Variants in GATAD2A observed in about 807,000 individuals in gnomAD.
GATAD2A encodes transcriptional repressor p66-alpha.
A neutral mutation model predicts 68.5 loss-of-function variants in GATAD2A; 12 were observed. The ratio of observed to expected loss-of-function variants is 0.18; its 90% CI spans 0.11 to 0.28. The LOEUF (loss-of-function observed/expected upper bound fraction) is 0.28. Among genes scored for constraint, GATAD2A ranks in the 10% least tolerant of loss-of-function variants. The probability of loss-of-function intolerance (pLI) is 1.00; values close to 1 mark genes in which losing one functional copy is unlikely to be tolerated. For missense variants in GATAD2A, 755 were observed against 868.5 expected, an observed-to-expected ratio of 0.87 and a Z score of 1.64; for synonymous variants, 410 against 375.3, an observed-to-expected ratio of 1.09 and a Z score of -1.07.
At chr19:19,416,981 C>T (rs887802412) in intron 1 of GATAD2A, among the ~76,000 whole-genome samples, 3 of 152,046 alleles carry the variant, frequency 2.0e-5, no homozygotes, top group Non-Finnish European at 2.9e-5. Flanking sequence ...AGGCTGGTCT[C>T]GAACTTCTGA....
At chr19:19,502,242 C>A in intron 10 of GATAD2A, 89 bp from the exon 11 acceptor site, 1 of 1,120,036 alleles carries the variant, frequency 8.9e-7, no homozygotes, top group Non-Finnish European at 1.3e-6. Context: ...GGGAAGAGGT[C>A]AGCCAGAGCA....
chr19:19,463,432 G>A (rs1034613859), intron 1 of GATAD2A, among the ~76,000 whole-genome samples: 3 of 152,174 alleles, frequency 2.0e-5, no homozygotes, highest in Non-Finnish European at 4.4e-5. Context: ...CCCCAGAGAA[G>A]TGAGGCCATG....
intron 1 of GATAD2A, among the ~76,000 whole-genome samples, chr19:19,387,565 C>T (rs538887840): frequency 4.6e-5 from 7 of 152,180 alleles, no homozygotes; most frequent in South Asian, 2.1e-4. Flanking sequence ...GTGATCCACC[C>T]GCCTCGGCCT....
rs148092045 is a variant in GATAD2A at position 19,440,416 on chromosome 19, G to A, written c.-6-24924G>A. 1,314 of 209,624 alleles carry A rather than the reference G, an allele frequency of 6.3e-3. 22 individuals are homozygous for A. The highest frequency in any genetic ancestry group is 0.036 in the South Asian group (644 of 18,004). The allele number at this position is 209,624 out of a possible 1,614,324, so 13.0% of individuals were successfully genotyped here. A position where few individuals can be genotyped will look rare whatever the true frequency, so the allele number is the denominator to read the frequency against. Reference sequence around the variant, plus strand: ...CTCCCGAGTAGCTGGGACTACAGGCGCCCGCCACCACGCCCTGCTAATTTT... The same window carrying A: ...CTCCCGAGTAGCTGGGACTACAGGCACCCGCCACCACGCCCTGCTAATTTT... On this transcript the variant is annotated intron_variant, in intron 1 of 11. Transcript: ENST00000683918.
At chr19:19,484,957 A>T (rs779776170) in intron 2 of GATAD2A, among the ~76,000 whole-genome samples, 5 of 152,206 alleles carry the variant, frequency 3.3e-5, no homozygotes, top group Non-Finnish European at 7.3e-5. Flanking sequence ...GGTGCCTCCC[A>T]GCCTGCAGAC....
intron 1 of GATAD2A, among the ~76,000 whole-genome samples, chr19:19,440,879 A>G (rs1311748012): frequency 1.3e-5 from 2 of 152,164 alleles, no homozygotes; most frequent in African/African-American, 4.8e-5. Flanking sequence ...AAAGGTAAAC[A>G]AATTTATTTC....
At chr19:19,403,575 G>A (rs1035947795), upstream of GATAD2A, among the ~76,000 whole-genome samples, 3 of 151,946 alleles carry the variant, frequency 2.0e-5, no homozygotes, top group African/African-American at 7.3e-5. Flanking sequence ...AAAAAAAAGG[G>A]GTGGTTGTCA....
intron 1 of GATAD2A, among the ~76,000 whole-genome samples, chr19:19,417,632 G>A (rs1320955423): frequency 3.9e-5 from 6 of 152,160 alleles, no homozygotes; most frequent in Non-Finnish European, 8.8e-5. Flanking sequence ...CCTGAAACAG[G>A]AGACTGTTCA....
rs552936505 is a variant in GATAD2A, at chr19:19,505,710, C to T, written c.*236C>T. 1.6e-4 allele frequency: 75 copies of T among 473,426 alleles called. No individual in the cohort carries two copies. The highest frequency in any genetic ancestry group is 1.1e-3 in the African/African-American group (54 of 49,126). 29.3% of individuals were successfully genotyped at this position (473,426 alleles called of 1,614,324 possible). Reference sequence around the variant, plus strand: ...AGGATCATCGCTGGGGGACCTTTCCCGTGGGCTTTCTTCCTTTCTCTCTTT... The same window carrying T: ...AGGATCATCGCTGGGGGACCTTTCCTGTGGGCTTTCTTCCTTTCTCTCTTT... On this transcript the variant is annotated 3_prime_UTR_variant, in exon 12 of 12. Transcript: ENST00000683918.
chr19:19,476,935 G>A (rs1195853022), intron 2 of GATAD2A, among the ~76,000 whole-genome samples: 1 of 152,208 alleles, frequency 6.6e-6, no homozygotes, highest in African/African-American at 2.4e-5. Flanking sequence ...GTGAGCCTGA[G>A]GGGGCAGCTG....
intron 2 of GATAD2A, among the ~76,000 whole-genome samples, chr19:19,490,275 G>A (rs1026334419): frequency 1.3e-5 from 2 of 152,146 alleles, no homozygotes; most frequent in African/African-American, 2.4e-5. Flanking sequence ...CAAGTAAAGC[G>A]GTTCCTGAGT....
At chr19:19,413,627 G>T (rs564922875) in intron 1 of GATAD2A, among the ~76,000 whole-genome samples, 1 of 152,214 alleles carries the variant, frequency 6.6e-6, no homozygotes, top group African/African-American at 2.4e-5. Context: ...TGTCGCTCAG[G>T]CTGGAGTGCA....
At chr19:19,399,918 G>A (rs373362244) in intron 1 of GATAD2A, among the ~76,000 whole-genome samples, 11 of 152,146 alleles carry the variant, frequency 7.2e-5, no homozygotes, top group Middle Eastern at 6.8e-3. Context: ...TTATTAGACC[G>A]ATCATGTGAC....
At chr19:19,408,138 T>G (rs1392551476) in intron 1 of GATAD2A, among the ~76,000 whole-genome samples, 2 of 152,166 alleles carry the variant, frequency 1.3e-5, no homozygotes, top group Non-Finnish European at 2.9e-5. Flanking sequence ...TAGTTGGGAC[T>G]ACCATGCCCG....
At position 19,501,251 on chromosome 19, in the gene GATAD2A, C is replaced by T. The variant is rs1442594722; in HGVS notation, c.1338C>T (p.Asn446=). The T allele has an allele frequency of 8.7e-6, 14 of 1,613,286 alleles. No individual in the cohort carries two copies. The highest frequency in any genetic ancestry group is 1.1e-5 in the South Asian group (1 of 91,086). The change falls in exon 9 of 12, where the codon AAC becomes AAT. Residue 446 remains asparagine, a synonymous_variant. Coordinates refer to ENST00000683918, the MANE Select transcript of GATAD2A (RefSeq NM_001384528.1). ...TGTGTGAGAACTGCATGACAACCAA[C>T]CAGAAGAAGGCGCTCAAGGTGGAGC... ...AIMCENCMTT[N]QKKALKVEHT...
intron 1 of GATAD2A, chr19:19,436,071 A>G: frequency 4.7e-6 from 4 of 845,380 alleles, no homozygotes. Context: ...TAGAAATGCC[A>G]GTATGTTCCA....
chr19:19,498,410 G>A lies in GATAD2A; in HGVS notation c.925-33G>A, dbSNP rs375188781. The A allele has an allele frequency of 8.7e-5, 138 of 1,582,262 alleles. 1 individual carries two copies. Among genetic ancestry groups the A allele is most frequent in the South Asian group, 2.5e-4 (22 of 88,802 alleles). On this transcript the variant is annotated intron_variant, in intron 7 of 11. Transcript: ENST00000683918. ...GGAGCCTTCCTCTGGGCAGGCGCAC[G>A]GAGCGCCCTGACTGAGTTTTTGTCT...
At position 19,410,695 on chromosome 19, in the gene GATAD2A, C is replaced by G. The variant is rs528095245; in HGVS notation, c.-7+4676C>G. 2.6e-5 allele frequency among the ~76,000 whole-genome samples: 4 copies of G among 152,316 alleles called. No individual in the cohort carries two copies. The South Asian group carries it at 8.3e-4, about 32-fold the overall frequency. On this transcript the variant is annotated intron_variant, in intron 1 of 11. Transcript: ENST00000683918. ...GAGGCCACTTTGAGTCTAGGGGGCA[C>G]CTGCTTTTTGCCAAGTGTGGCCGTG...
At chr19:19,462,240 C>G (rs1403849872) in intron 1 of GATAD2A, among the ~76,000 whole-genome samples, 1 of 152,190 alleles carries the variant, frequency 6.6e-6, no homozygotes, top group South Asian at 2.1e-4. Flanking sequence ...GTCCCGCTTG[C>G]TTCGAGGAGG....
Sources: gnomAD v4.1 joint callset for allele counts (sites outside exome capture counted in the v4.1 genomes callset) on GRCh38, gnomAD v4.1.1 for gene constraint, MANE v1.5 for transcripts, NCBI Gene and HGNC (gene_info 2026-07-23, HGNC 2026-07-21) for gene names.